CCDC88C: variants seen among roughly 807,000 people sequenced by gnomAD.
CCDC88C encodes the protein coiled-coil and HOOK domain protein 88C.
In CCDC88C, 131 loss-of-function variants were observed where a neutral mutation model predicts 198.8. The ratio of observed to expected loss-of-function variants is 0.66; its 90% CI spans 0.57 to 0.76. The LOEUF (loss-of-function observed/expected upper bound fraction) is 0.76, where lower values mean the gene tolerates loss of function less well. CCDC88C is among the 30% of genes least tolerant of loss of function. The pLI is 0.00. For missense variants in CCDC88C, 2,553 were observed against 2,631.6 expected (o/e 0.97, Z 0.65); for synonymous variants, 1,166 against 1,114.7 (o/e 1.05, Z -0.92).
chr14:91,366,692 T>C (rs1004765296), intron 3 of CCDC88C, among the ~76,000 whole-genome samples: 1 of 152,130 alleles, frequency 6.6e-6, no homozygotes, highest in African/African-American at 2.4e-5. Context: ...AAGCCAAGCC[T>C]CTTGATTGGG....
intron 25 of CCDC88C, among the ~76,000 whole-genome samples, chr14:91,286,261 CAA>C (rs942775782): frequency 6.6e-6 from 1 of 152,206 alleles, no homozygotes. Flanking sequence ...CGTTCCCACT[CAA>C]AGACCTTGGG....
intron 4 of CCDC88C, among the ~76,000 whole-genome samples, chr14:91,358,947 T>C (rs1441386421): frequency 6.6e-6 from 1 of 152,188 alleles, no homozygotes; most frequent in Non-Finnish European, 1.5e-5. Context: ...AGGACCCCAG[T>C]GACAGATGTC....
chr14:91,380,651 G>C (rs540779892), intron 3 of CCDC88C, among the ~76,000 whole-genome samples: 1 of 151,844 alleles, frequency 6.6e-6, no homozygotes, highest in African/African-American at 2.4e-5. Flanking sequence ...GAATATTGGC[G>C]TTTTCTTACA....
chr14:91,347,706 A>C (rs1290375026), intron 4 of CCDC88C, among the ~76,000 whole-genome samples: 1 of 152,228 alleles, frequency 6.6e-6, no homozygotes, highest in African/African-American at 2.4e-5. Flanking sequence ...GAGGATGTGG[A>C]GAAACAGGAA....
intron 3 of CCDC88C, among the ~76,000 whole-genome samples, chr14:91,383,230 C>A (rs1290701824): frequency 6.6e-6 from 1 of 152,254 alleles, no homozygotes; most frequent in Non-Finnish European, 1.5e-5. Flanking sequence ...CCTGGCTCTG[C>A]CAGGCCTGGA....
intron 3 of CCDC88C, among the ~76,000 whole-genome samples, chr14:91,364,531 A>G (rs573992143): frequency 3.3e-5 from 5 of 152,188 alleles, no homozygotes; most frequent in Admixed American, 3.3e-4. Flanking sequence ...AGCGCTTTGT[A>G]ATCTCACAAG....
At chr14:91,324,136 G>A (rs1004223158) in intron 12 of CCDC88C, among the ~76,000 whole-genome samples, 1 of 152,252 alleles carries the variant, frequency 6.6e-6, no homozygotes, top group Non-Finnish European at 1.5e-5. Context: ...ATTGTTTGCC[G>A]GGGCTGAGGC....
intron 26 of CCDC88C, 143 bp from the exon 27 acceptor site, chr14:91,281,668 A>AC: frequency 1.4e-6 from 1 of 695,190 alleles, no homozygotes; most frequent in Non-Finnish European, 2.6e-6. Context: ...TGCCTTTGGG[A>AC]CCTGCCTCTC....
intron 3 of CCDC88C, among the ~76,000 whole-genome samples, chr14:91,383,422 C>T (rs1884929096): frequency 1.3e-5 from 2 of 152,226 alleles, no homozygotes; most frequent in Admixed American, 1.3e-4. Context: ...GCCTCCTCCC[C>T]AGCACCAAGG....
At chr14:91,361,289 G>A (rs771769673) in intron 3 of CCDC88C, among the ~76,000 whole-genome samples, 18 of 152,214 alleles carry the variant, frequency 1.2e-4, no homozygotes, top group Non-Finnish European at 2.2e-4. Context: ...TTCGTAAGTC[G>A]CTCTATTGCA....
At chr14:91,392,785 A>AC (rs1028244640) in intron 3 of CCDC88C, among the ~76,000 whole-genome samples, 2 of 147,314 alleles carry the variant, frequency 1.4e-5, no homozygotes. Context: ...CTCTCACTGC[A>AC]CCCCTCACTC....
chr14:91,374,685 G>T (rs977916016), intron 3 of CCDC88C, among the ~76,000 whole-genome samples: 1 of 152,224 alleles, frequency 6.6e-6, no homozygotes, highest in Non-Finnish European at 1.5e-5. Flanking sequence ...GACCTTTGAG[G>T]CCATTCCAAC....
chr14:91,406,084 A>C (rs552452960), intron 3 of CCDC88C, among the ~76,000 whole-genome samples: 1 of 152,232 alleles, frequency 6.6e-6, no homozygotes, highest in African/African-American at 2.4e-5. Context: ...GCCATCTTTT[A>C]CTTTGTGTGG....
At position 91,321,197 on chromosome 14, in the gene CCDC88C, C is replaced by T. The variant is rs770136181; in HGVS notation, c.1450G>A (p.Asp484Asn). 1.2e-6 allele frequency: 2 copies of T among 1,612,330 alleles called. No homozygotes were observed. The highest frequency in any genetic ancestry group is 1.7e-5 in the Admixed American group (1 of 59,854). Reference protein sequence around the residue: ...SLQSTIQGLRDASLVLEESGL... With the variant: ...SLQSTIQGLRNASLVLEESGL... ...CTCTCCTCCAACACCAGGGACGCGT[C>T]CCGCAGCCCCTGGATGGTGCTCTGG... The change falls in exon 13 of 30, where the codon GAC (aspartate) becomes AAC (asparagine). Residue 484 changes from aspartate to asparagine, a missense_variant. By Grantham distance (23) the Asp-to-Asn change is conservative. Around this residue, in one of 2 missense-constraint regions of CCDC88C, gnomAD observed 1,260 missense variants for 1,412.0 expected, o/e 0.89. Transcript: ENST00000389857.
chr14:91,337,681 T>G (rs78112211), intron 10 of CCDC88C, among the ~76,000 whole-genome samples: 116 of 152,314 alleles, frequency 7.6e-4, no homozygotes, highest in African/African-American at 2.7e-3. Flanking sequence ...CCTAGCAAAT[T>G]AGCCACAGAA....
intron 1 of CCDC88C, 139 bp from the exon 2 acceptor site, chr14:91,416,977 G>T: frequency 1.5e-6 from 1 of 689,638 alleles, no homozygotes; most frequent in Admixed American, 2.1e-5. Flanking sequence ...CCTTCAGCAG[G>T]CACCAAGCCC....
Position 91,307,246 on chromosome 14 carries a change from C to A in CCDC88C, c.3007-20G>T. The A allele has an allele frequency of 6.2e-7, 1 of 1,610,558 alleles. No homozygotes were observed. The highest frequency in any genetic ancestry group is 8.5e-7 in the Non-Finnish European group (1 of 1,179,304). On this transcript the variant is annotated intron_variant, in intron 17 of 29. Transcript: ENST00000389857. ...CTTTAGCTACAGGTGTGACAATAAG[C>A]AAGGAGGCTTTAGGCGGAAGCAGCC... is the stretch of plus-strand genomic sequence containing the variant.
intron 5 of CCDC88C, among the ~76,000 whole-genome samples, chr14:91,343,080 G>A (rs767527599): frequency 6.6e-6 from 1 of 151,998 alleles, no homozygotes; most frequent in African/African-American, 2.4e-5. Context: ...TCAGCCTCCC[G>A]AGTAGCCGGG....
At chr14:91,335,273 AC>A (rs1893001467) in intron 10 of CCDC88C, among the ~76,000 whole-genome samples, 1 of 151,896 alleles carries the variant, frequency 6.6e-6, no homozygotes, top group African/African-American at 2.4e-5. Context: ...GAAACACCCC[AC>A]GCCACCCGCC....
Sources: gnomAD v4.1 joint callset for allele counts (sites outside exome capture counted in the v4.1 genomes callset) on GRCh38, gnomAD v4.1.1 for gene constraint, gnomAD v4.1.1 regional missense constraint, MANE v1.5 for transcripts, NCBI Gene and HGNC (gene_info 2026-07-23, HGNC 2026-07-21) for gene names.